STK3: variants seen among roughly 807,000 people sequenced by gnomAD.
STK3 encodes the protein serine/threonine kinase 3.
Under a neutral mutation model 58.0 loss-of-function variants are expected in STK3, and 41 were observed. The ratio of observed to expected loss-of-function variants is 0.71; its 90% CI spans 0.55 to 0.92. The LOEUF is 0.92. Among genes scored for constraint, STK3 ranks in the 40% least tolerant of loss-of-function variants. The pLI, the probability that STK3 is intolerant of heterozygous loss-of-function variation, is 0.00. For synonymous variants in STK3, 170 were observed against 191.0 expected, an observed-to-expected ratio of 0.89 and a Z score of 0.91; for missense variants, 479 against 602.7, an observed-to-expected ratio of 0.79 and a Z score of 2.15.
chr8:98,393,070 C>T (rs1817863406), upstream of STK3, among the ~76,000 whole-genome samples: 1 of 152,188 alleles, frequency 6.6e-6, no homozygotes, highest in South Asian at 2.1e-4. Context: ...TTGCCTCTGA[C>T]AGTTCTAGGA....
chr8:98,629,431 T>G (rs1819003214), intron 6 of STK3, among the ~76,000 whole-genome samples: 1 of 152,158 alleles, frequency 6.6e-6, no homozygotes, highest in South Asian at 2.1e-4. Flanking sequence ...AAACATTGGT[T>G]CATATAATCA....
intron 6 of STK3, among the ~76,000 whole-genome samples, chr8:98,652,184 A>C (rs200899208): frequency 8.5e-5 from 13 of 152,334 alleles, no homozygotes; most frequent in East Asian, 3.9e-4. Flanking sequence ...ATTCAAGATT[A>C]TTAAAGAAAA....
chr8:98,919,086 C>CTG (rs1253212427), intron 1 of STK3, among the ~76,000 whole-genome samples: 7 of 152,184 alleles, frequency 4.6e-5, no homozygotes, highest in African/African-American at 1.7e-4. Flanking sequence ...CAAGATCTGC[C>CTG]TGTGTAACAG....
At chr8:98,772,877 C>T (rs565219556) in intron 2 of STK3, among the ~76,000 whole-genome samples, 9 of 152,204 alleles carry the variant, frequency 5.9e-5, no homozygotes, top group Admixed American at 2.6e-4. Flanking sequence ...TCTGCAGAAC[C>T]GTGAGCCAAT....
intron 10 of STK3, among the ~76,000 whole-genome samples, chr8:98,484,626 C>A (rs1308412961): frequency 1.3e-5 from 2 of 150,406 alleles, no homozygotes; most frequent in Non-Finnish European, 3.0e-5. Context: ...TTCAAAGTAA[C>A]TATAAAGACA....
intron 9 of STK3, among the ~76,000 whole-genome samples, chr8:98,543,527 C>CA (rs964679340): frequency 6.6e-6 from 1 of 152,150 alleles, no homozygotes; most frequent in Non-Finnish European, 1.5e-5. Context: ...ATGTTACTTC[C>CA]ATGAAGGGTG....
At chr8:98,783,570 T>C (rs936472988) in intron 1 of STK3, among the ~76,000 whole-genome samples, 4 of 152,120 alleles carry the variant, frequency 2.6e-5, no homozygotes, top group African/African-American at 9.7e-5. Flanking sequence ...TTGCAAAAGG[T>C]TGGGTTAGCT....
intron 3 of STK3, among the ~76,000 whole-genome samples, chr8:98,853,341 C>T (rs1163671898): frequency 2.6e-5 from 4 of 152,188 alleles, no homozygotes; most frequent in East Asian, 1.9e-4. Context: ...CAACACAGTT[C>T]AGAAAAGGTC....
intron 1 of STK3, among the ~76,000 whole-genome samples, chr8:98,925,070 C>T (rs1166025054): frequency 6.6e-6 from 1 of 152,114 alleles, no homozygotes; most frequent in African/African-American, 2.4e-5. Context: ...TGTTAAAGTC[C>T]AAAACTTTCT....
intron 1 of STK3, among the ~76,000 whole-genome samples, chr8:98,930,987 A>C (rs192314782): frequency 6.6e-6 from 1 of 152,314 alleles, no homozygotes; most frequent in Admixed American, 6.5e-5. Flanking sequence ...TTCATTTCTC[A>C]ACACTCAGAT....
At chr8:98,485,232 A>C (rs1175348228) in intron 10 of STK3, among the ~76,000 whole-genome samples, 4 of 138,424 alleles carry the variant, frequency 2.9e-5, no homozygotes, top group Non-Finnish European at 6.3e-5. Context: ...AATGAGGGAA[A>C]CTGCGTCTCA....
chr8:98,788,226 C>T (rs555145175), intron 1 of STK3, among the ~76,000 whole-genome samples: 69 of 151,992 alleles, frequency 4.5e-4, no homozygotes, highest in Admixed American at 1.1e-3. Context: ...GATCACAAGG[C>T]CAGGAGTTCG....
At chr8:98,698,007 T>C (rs1465728661) in intron 6 of STK3, among the ~76,000 whole-genome samples, 1 of 152,228 alleles carries the variant, frequency 6.6e-6, no homozygotes, top group South Asian at 2.1e-4. Context: ...TAAGTCTCTA[T>C]GTAGGTCACT....
intron 1 of STK3, chr8:98,778,734 C>A (rs1189637473): frequency 6.6e-6 from 1 of 152,184 alleles, no homozygotes; most frequent in Non-Finnish European, 1.5e-5. Context: ...TTTGTAGGGA[C>A]ATGGATGAAG....
chr8:98,669,455 C>G (rs781021806), intron 6 of STK3, among the ~76,000 whole-genome samples: 82 of 152,040 alleles, frequency 5.4e-4, no homozygotes, highest in Non-Finnish European at 1.6e-4. Flanking sequence ...TTGGTTGGTT[C>G]AAATACAGGA....
intron 3 of STK3, among the ~76,000 whole-genome samples, chr8:98,425,045 G>C (rs1190641328): frequency 6.6e-6 from 1 of 152,192 alleles, no homozygotes; most frequent in African/African-American, 2.4e-5. Context: ...AGGTGTGGAA[G>C]GGGGGATTGG....
chr8:98,603,441 T>C (rs766570649), intron 6 of STK3: 2 of 152,150 alleles, frequency 1.3e-5, no homozygotes, highest in Non-Finnish European at 2.9e-5. Context: ...TTCACCATAC[T>C]GGCCAGGCTA....
chr8:98,603,487 T>G (rs1167624173), intron 6 of STK3: 2 of 152,224 alleles, frequency 1.3e-5, no homozygotes, highest in East Asian at 3.8e-4. Flanking sequence ...TCTGCCCACC[T>G]TGGCCTCCCA....
intron 3 of STK3, among the ~76,000 whole-genome samples, chr8:98,412,305 A>G (rs1460242121): frequency 1.3e-5 from 2 of 152,206 alleles, no homozygotes; most frequent in Non-Finnish European, 2.9e-5. Context: ...TGGCTGCGTT[A>G]GAGTTGCAAA....
Sources: gnomAD v4.1 joint callset for allele counts (sites outside exome capture counted in the v4.1 genomes callset) on GRCh38, gnomAD v4.1.1 for gene constraint, MANE v1.5 for transcripts, NCBI Gene and HGNC (gene_info 2026-07-23, HGNC 2026-07-21) for gene names.